The following NR1H4 variants were observed in gnomAD, a reference collection of about 807,000 sequenced individuals.
NR1H4 encodes the protein nuclear receptor subfamily 1 group H member 4.
In NR1H4, 23 loss-of-function variants were observed where a neutral mutation model predicts 58.5. The ratio of observed to expected loss-of-function variants is 0.39; its 90% confidence interval spans 0.28 to 0.56. The LOEUF (loss-of-function observed/expected upper bound fraction) is 0.56, where lower values mean the gene tolerates loss of function less well. NR1H4 is among the 20% of genes least tolerant of loss of function. The pLI is 0.58. For missense variants in NR1H4, 487 were observed against 576.9 expected (o/e 0.84, Z 1.60); for synonymous variants, 214 against 198.0 (o/e 1.08, Z -0.68).
chr12:100,475,159 A>ATCTATCTATCT (rs1555330004), intron 1 of NR1H4, among the ~76,000 whole-genome samples: 2,345 of 147,768 alleles, frequency 0.016, 69 homozygotes, highest in African/African-American at 0.057. Flanking sequence ...CTATCTATCT[A>ATCTATCTATCT]AATTTTTTTT....
chr12:100,529,814 C>T (rs1954649176), intron 4 of NR1H4, among the ~76,000 whole-genome samples: 2 of 152,186 alleles, frequency 1.3e-5, no homozygotes, highest in African/African-American at 4.8e-5. Flanking sequence ...TGACTTCTAG[C>T]AGTTGGGAAA....
intron 3 of NR1H4, among the ~76,000 whole-genome samples, chr12:100,500,329 A>G (rs1473359838): frequency 6.6e-6 from 1 of 152,152 alleles, no homozygotes. Context: ...TCATGCCTTC[A>G]TAGCTGATGC....
chr12:100,512,877 G>A (rs547107922), intron 4 of NR1H4, among the ~76,000 whole-genome samples: 2 of 152,320 alleles, frequency 1.3e-5, no homozygotes, highest in East Asian at 3.9e-4. Flanking sequence ...GAAATAAACA[G>A]AGGACCCAGT....
intron 4 of NR1H4, among the ~76,000 whole-genome samples, chr12:100,532,012 C>T (rs1351624045): frequency 3.3e-5 from 5 of 152,046 alleles, no homozygotes; most frequent in East Asian, 1.9e-4. Flanking sequence ...TCTGCTCTGC[C>T]GCAGTGCAGC....
chr12:100,528,199 A>G (rs1180431254), intron 4 of NR1H4, among the ~76,000 whole-genome samples: 1 of 152,216 alleles, frequency 6.6e-6, no homozygotes, highest in Non-Finnish European at 1.5e-5. Flanking sequence ...TGGCACGTGC[A>G]TGTGTATGTA....
intron 1 of NR1H4, among the ~76,000 whole-genome samples, chr12:100,483,985 G>GAA (rs61582838): frequency 2.5e-3 from 174 of 70,176 alleles, no homozygotes; most frequent in African/African-American, 4.3e-3. Flanking sequence ...CTCTGTCTCA[G>GAA]AAAAAAAAAA....
At chr12:100,474,144 T>C (rs1396049857) in intron 1 of NR1H4, 85 bp downstream of exon 1, 2 of 152,164 alleles carry the variant, frequency 1.3e-5, no homozygotes, top group Non-Finnish European at 2.9e-5. Flanking sequence ...CTCTTTGACA[T>C]CTGTAATGTA....
At chr12:100,493,816 G>T (rs941081646) in intron 3 of NR1H4, among the ~76,000 whole-genome samples, 1 of 152,128 alleles carries the variant, frequency 6.6e-6, no homozygotes, top group African/African-American at 2.4e-5. Context: ...ATTTCCTTTT[G>T]CAGTTCCTCC....
Position 100,505,426 on chromosome 12 carries a change from T to C in NR1H4, c.80-5352T>C. 3 of 457,398 alleles carry C rather than the reference T, an allele frequency of 6.6e-6. No individual in the cohort carries two copies. In the East Asian group the frequency reaches 9.9e-5, roughly 15 times the overall value. The allele number at this position is 457,398 out of a possible 1,614,324, so 28.3% of individuals were successfully genotyped here. A position where few individuals can be genotyped will look rare whatever the true frequency, so the allele number is the denominator to read the frequency against. Reference sequence around the variant, plus strand: ...AGTATCACTAGCCACATTCCAAGGGTTCAATATCCCTATGTGGTTAGTGGC... The same window carrying C: ...AGTATCACTAGCCACATTCCAAGGGCTCAATATCCCTATGTGGTTAGTGGC... On this transcript the variant is annotated intron_variant, in intron 3 of 10. Transcript: ENST00000392986.
At chr12:100,503,062 C>A (rs147714877) in intron 3 of NR1H4, among the ~76,000 whole-genome samples, 1,752 of 152,244 alleles carry the variant, frequency 0.012, 93 homozygotes, top group Admixed American at 0.089. Flanking sequence ...TCATACCATT[C>A]CATTTTAAAT....
At chr12:100,550,596 G>A (rs1955182504) in intron 9 of NR1H4, among the ~76,000 whole-genome samples, 1 of 151,776 alleles carries the variant, frequency 6.6e-6, no homozygotes, top group Non-Finnish European at 1.5e-5. Flanking sequence ...AAACTCCTAA[G>A]CTCAGGTGAT....
intron 4 of NR1H4, among the ~76,000 whole-genome samples, chr12:100,513,559 C>A (rs2136168079): frequency 6.6e-6 from 1 of 152,264 alleles, no homozygotes; most frequent in South Asian, 2.1e-4. Context: ...CTATGGGAGG[C>A]CGAGGTGGGG....
intron 3 of NR1H4, among the ~76,000 whole-genome samples, chr12:100,495,394 T>A (rs1438301676): frequency 1.3e-5 from 2 of 152,128 alleles, no homozygotes; most frequent in African/African-American, 2.4e-5. Flanking sequence ...TAAGCATTAT[T>A]TTCAAATCTC....
At chr12:100,522,849 C>T (rs1205778426) in intron 4 of NR1H4, among the ~76,000 whole-genome samples, 1 of 152,138 alleles carries the variant, frequency 6.6e-6, no homozygotes, top group African/African-American at 2.4e-5. Context: ...GAATAATGGC[C>T]TTCTGCTCTA....
chr12:100,535,837 A>G (rs1163301705), intron 6 of NR1H4, among the ~76,000 whole-genome samples: 2 of 152,200 alleles, frequency 1.3e-5, no homozygotes, highest in African/African-American at 4.8e-5. Context: ...GTAGAGGGAG[A>G]AAGAGATGTT....
intron 3 of NR1H4, chr12:100,500,022 A>G (rs1048004990): frequency 2.2e-6 from 1 of 454,718 alleles, no homozygotes. Context: ...ACACACCTAT[A>G]AGGTAGGTAC....
intron 4 of NR1H4, among the ~76,000 whole-genome samples, chr12:100,519,051 G>A (rs1011734056): frequency 6.6e-6 from 1 of 152,096 alleles, no homozygotes; most frequent in Non-Finnish European, 1.5e-5. Context: ...GCCTTCCAAA[G>A]TGCTGCGGTT....
chr12:100,485,642 C>G (rs1953475296), intron 1 of NR1H4, among the ~76,000 whole-genome samples: 4 of 152,008 alleles, frequency 2.6e-5, no homozygotes, highest in Admixed American at 2.6e-4. Context: ...AAGTGATTCT[C>G]CTGCCTCAGC....
intron 3 of NR1H4, among the ~76,000 whole-genome samples, chr12:100,506,038 CACACAGAGAG>C (rs1256973407): frequency 7.6e-6 from 1 of 132,166 alleles, no homozygotes. Flanking sequence ...CACACACACA[CACACAGAGAG>C]AGAGAGAGAA....
Sources: allele counts gnomAD v4.1 joint callset (sites outside exome capture counted in the v4.1 genomes callset), GRCh38; gene constraint gnomAD v4.1.1; transcripts MANE v1.5; gene names NCBI Gene and HGNC (gene_info 2026-07-23, HGNC 2026-07-21).